Variants in DIAPH3 observed in about 807,000 individuals in gnomAD.
DIAPH3 encodes the protein protein diaphanous homolog 3.
A neutral mutation model predicts 144.3 loss-of-function variants in DIAPH3; 117 were observed. The observed-to-expected ratio is 0.81, with a 90% CI of 0.70 to 0.95. The LOEUF (loss-of-function observed/expected upper bound fraction) is 0.95, where lower values mean the gene tolerates loss of function less well. Among genes scored for constraint, DIAPH3 ranks in the 40% least tolerant of loss-of-function variants. The probability of loss-of-function intolerance (pLI) is 0.00; values close to 1 mark genes in which losing one functional copy is unlikely to be tolerated. For synonymous variants in DIAPH3, 519 were observed against 488.9 expected, an observed-to-expected ratio of 1.06 and a Z score of -0.81; for missense variants, 1,421 against 1,412.7, an observed-to-expected ratio of 1.01 and a Z score of -0.09.
rs74664335 is a variant in DIAPH3, at chr13:59,679,037, G to A, written c.3320-12191C>T. ...TAGAGTCCTCTGCAATCAAACTGCA[G>A]TTTCAATTCTGATGGTTTTTGCCGA... On this transcript the variant is annotated intron_variant, in intron 27 of 27. Coordinates refer to ENST00000400324, the MANE Select transcript of DIAPH3 (RefSeq NM_001042517.2). Among the ~76,000 whole-genome samples the A allele has an allele frequency of 3.3e-5, 5 of 152,318 alleles. No individual in the cohort carries two copies. The East Asian group carries it at 9.7e-4, about 29-fold the overall frequency.
chr13:59,956,690 G>GT (rs2049427667), intron 17 of DIAPH3, among the ~76,000 whole-genome samples: 1 of 152,214 alleles, frequency 6.6e-6, no homozygotes, highest in South Asian at 2.1e-4. Flanking sequence ...CTGTCCTCCA[G>GT]TCCCCAGAAT....
At chr13:59,867,072 T>G (rs1011038515) in intron 21 of DIAPH3, among the ~76,000 whole-genome samples, 2 of 148,170 alleles carry the variant, frequency 1.3e-5, no homozygotes, top group African/African-American at 4.9e-5. Flanking sequence ...TTTATATATA[T>G]AAATATTTTT....
intron 21 of DIAPH3, among the ~76,000 whole-genome samples, chr13:59,867,053 A>G (rs1340614320): frequency 6.9e-6 from 1 of 145,056 alleles, no homozygotes; most frequent in Non-Finnish European, 1.5e-5. Flanking sequence ...TTACATATAT[A>G]TTTATTTATT....
At chr13:59,715,397 G>A (rs1260649101) in intron 27 of DIAPH3, among the ~76,000 whole-genome samples, 1 of 152,184 alleles carries the variant, frequency 6.6e-6, no homozygotes, top group Admixed American at 6.5e-5. Flanking sequence ...CTGATTAGAG[G>A]AGGGGATGAG....
At chr13:59,840,940 C>G (rs1185392197) in intron 22 of DIAPH3, among the ~76,000 whole-genome samples, 1 of 117,072 alleles carries the variant, frequency 8.5e-6, no homozygotes. Context: ...ATATTCTTAC[C>G]TTTTTAACTA....
chr13:59,918,622 C>T lies in DIAPH3; in HGVS notation c.2171-2373G>A, dbSNP rs573853722. On this transcript the variant is annotated intron_variant, in intron 18 of 27. Transcript: ENST00000400324. ...CTGGGCTGCACCACCCAAAGCACTT[C>T]TAGGCTTAGGGCACTCCCTAACACT... is the stretch of plus-strand genomic sequence containing the variant. 7.2e-5 allele frequency among the ~76,000 whole-genome samples: 11 copies of T among 152,288 alleles called. No individual in the cohort carries two copies. In the East Asian group the frequency reaches 2.1e-3, roughly 29 times the overall value.
At chr13:59,748,351 A>C (rs2036810330) in intron 27 of DIAPH3, among the ~76,000 whole-genome samples, 1 of 152,162 alleles carries the variant, frequency 6.6e-6, no homozygotes, top group South Asian at 2.1e-4. Context: ...ACCAGTTCTC[A>C]TGCAATACAT....
intron 27 of DIAPH3, among the ~76,000 whole-genome samples, chr13:59,729,395 A>G (rs1593689996): frequency 6.6e-6 from 1 of 152,262 alleles, no homozygotes; most frequent in East Asian, 1.9e-4. Flanking sequence ...ACAGAAGCAA[A>G]CAGTAATTAA....
intron 4 of DIAPH3, among the ~76,000 whole-genome samples, chr13:60,045,059 T>C (rs4309289): frequency 0.93 from 141,261 of 152,288 alleles, 65,797 homozygotes; most frequent in African/African-American, 0.97. Context: ...TACCCAGTCT[T>C]AGCTGGGTGC....
chr13:59,865,574 T>C (rs1049260125), intron 21 of DIAPH3, among the ~76,000 whole-genome samples: 1 of 152,066 alleles, frequency 6.6e-6, no homozygotes, highest in Non-Finnish European at 1.5e-5. Flanking sequence ...CCTATTTATG[T>C]ATTGTTTCTT....
At chr13:59,854,045 A>G (rs952213686) in intron 22 of DIAPH3, among the ~76,000 whole-genome samples, 1 of 152,150 alleles carries the variant, frequency 6.6e-6, no homozygotes, top group Non-Finnish European at 1.5e-5. Context: ...AAGGATCTTG[A>G]GATGAAATCA....
chr13:60,002,914 G>A (rs556428128), intron 9 of DIAPH3, among the ~76,000 whole-genome samples: 1 of 152,206 alleles, frequency 6.6e-6, no homozygotes, highest in South Asian at 2.1e-4. Context: ...GTAGACAGAA[G>A]ACACAGAAAG....
At chr13:60,127,509 C>CA (rs150981184) in intron 2 of DIAPH3, among the ~76,000 whole-genome samples, 7,782 of 149,862 alleles carry the variant, frequency 0.052, 318 homozygotes, top group African/African-American at 0.11. Context: ...AACATATACA[C>CA]AAAAAAAAAC....
At position 59,984,084 on chromosome 13, in the gene DIAPH3, A is replaced by G. The variant is rs994952499; in HGVS notation, c.1362-197T>C. ...ACTTTGCTTTTAATGAATTCAAAAC[A>G]TCATTTTTATAGTCTTTTAGGAAAT... On this transcript the variant is annotated intron_variant, in intron 12 of 27. Coordinates refer to ENST00000400324, the MANE Select transcript of DIAPH3 (RefSeq NM_001042517.2). Among the ~76,000 whole-genome samples, 3 of 151,686 alleles carry G rather than the reference A, an allele frequency of 2.0e-5. No homozygotes were observed. In the Admixed American group the frequency reaches 2.0e-4, roughly 10 times the overall value.
intron 27 of DIAPH3, among the ~76,000 whole-genome samples, chr13:59,714,352 T>A (rs2034934368): frequency 1.3e-5 from 1 of 77,192 alleles, no homozygotes; most frequent in Admixed American, 2.0e-4. Context: ...AGAGCGAGAC[T>A]CCGTCTCAAA....
chr13:59,960,417 A>C (rs1430558691), intron 17 of DIAPH3, among the ~76,000 whole-genome samples: 2 of 152,164 alleles, frequency 1.3e-5, no homozygotes, highest in Non-Finnish European at 2.9e-5. Context: ...AAAAGGAGTA[A>C]TCCATTCCTA....
At chr13:59,785,418 T>C (rs1231765482) in intron 25 of DIAPH3, among the ~76,000 whole-genome samples, 1 of 152,188 alleles carries the variant, frequency 6.6e-6, no homozygotes, top group African/African-American at 2.4e-5. Context: ...GACTTGAATC[T>C]TGCTTCTTAC....
chr13:59,684,655 T>C (rs2033121173), intron 27 of DIAPH3, among the ~76,000 whole-genome samples: 1 of 152,164 alleles, frequency 6.6e-6, no homozygotes, highest in Admixed American at 6.5e-5. Context: ...TTGGGCCTCT[T>C]TTCTGATGGT....
chr13:59,817,651 T>A (rs2040847158), intron 24 of DIAPH3, among the ~76,000 whole-genome samples: 1 of 151,958 alleles, frequency 6.6e-6, no homozygotes, highest in South Asian at 2.1e-4. Context: ...ATTTATAAAA[T>A]GTTTGTTTCC....
Sources: allele counts gnomAD v4.1 joint callset (sites outside exome capture counted in the v4.1 genomes callset), GRCh38; gene constraint gnomAD v4.1.1; transcripts MANE v1.5; gene names NCBI Gene and HGNC (gene_info 2026-07-23, HGNC 2026-07-21).